ATG7: variants seen among roughly 807,000 people sequenced by gnomAD.
ATG7 encodes the protein autophagy related 7, also known as ubiquitin-like modifier-activating enzyme ATG7.
ATG7 carries 70 observed loss-of-function variants against 82.4 expected under a neutral mutation model. The ratio of observed to expected loss-of-function variants is 0.85; its 90% confidence interval spans 0.70 to 1.04. The LOEUF (loss-of-function observed/expected upper bound fraction) is 1.04. Ranked by LOEUF, ATG7 falls within the 50% of genes least tolerant of loss-of-function variation. The pLI is 0.00. For missense variants in ATG7, 792 were observed against 864.3 expected, an observed-to-expected ratio of 0.92 and a Z score of 1.05; for synonymous variants, 287 against 313.0, an observed-to-expected ratio of 0.92 and a Z score of 0.88.
chr3:11,399,179 T>G (rs1210368635), intron 19 of ATG7, among the ~76,000 whole-genome samples: 1 of 152,022 alleles, frequency 6.6e-6, no homozygotes, highest in Non-Finnish European at 1.5e-5. Context: ...GAAACTCCAT[T>G]TCTACTAAAA....
the ATG7 span, among the ~76,000 whole-genome samples, chr3:11,573,337 A>G: frequency 0.015 from 1,284 of 83,824 alleles, 64 homozygotes; most frequent in Admixed American, 0.026. Context: ...GAAAGAAAGA[A>G]AGAAAGAAAG....
At chr3:11,470,163 C>G (rs1277682760) in intron 20 of ATG7, among the ~76,000 whole-genome samples, 1 of 152,118 alleles carries the variant, frequency 6.6e-6, no homozygotes, top group Non-Finnish European at 1.5e-5. Flanking sequence ...TCTTTGTTTT[C>G]TAGCAGTGCA....
intron 14 of ATG7, among the ~76,000 whole-genome samples, chr3:11,358,182 G>A (rs914964047): frequency 2.6e-5 from 4 of 152,152 alleles, no homozygotes; most frequent in South Asian, 2.1e-4. Context: ...ACTGAGATCC[G>A]TATGTCTCTG....
At chr3:11,458,169 A>G (rs945572443) in intron 20 of ATG7, among the ~76,000 whole-genome samples, 2 of 152,084 alleles carry the variant, frequency 1.3e-5, no homozygotes, top group African/African-American at 4.8e-5. Flanking sequence ...TTGGCTACTC[A>G]AAGCCAATTT....
chr3:11,405,476 C>G (rs1202331439), intron 19 of ATG7, among the ~76,000 whole-genome samples: 1 of 152,128 alleles, frequency 6.6e-6, no homozygotes, highest in Non-Finnish European at 1.5e-5. Flanking sequence ...CTTCTCTTTC[C>G]CCTTATAGAA....
intron 20 of ATG7, among the ~76,000 whole-genome samples, chr3:11,522,276 G>T (rs1377419961): frequency 6.6e-6 from 1 of 152,180 alleles, no homozygotes; most frequent in East Asian, 1.9e-4. Flanking sequence ...GAGGCTGGCA[G>T]ATCATGTTGA....
chr3:11,491,352 T>A (rs1354427167), intron 20 of ATG7, among the ~76,000 whole-genome samples: 1 of 152,152 alleles, frequency 6.6e-6, no homozygotes, highest in Non-Finnish European at 1.5e-5. Context: ...TCTGTATTGG[T>A]TATTCTAGTT....
chr3:11,348,417 G>A (rs917079218), intron 14 of ATG7: 4 of 181,998 alleles, frequency 2.2e-5, no homozygotes, highest in South Asian at 2.5e-4. Context: ...GGTTCCTTCC[G>A]GTGGGTTCTT....
chr3:11,431,421 C>G (rs2082878171), intron 20 of ATG7, among the ~76,000 whole-genome samples: 1 of 152,132 alleles, frequency 6.6e-6, no homozygotes. Context: ...ACACACACAC[C>G]TTTTTAAAGT....
intron 20 of ATG7, among the ~76,000 whole-genome samples, chr3:11,540,015 A>G (rs562085972): frequency 1.3e-5 from 2 of 152,376 alleles, no homozygotes; most frequent in South Asian, 4.1e-4. Context: ...GCTGTTATAA[A>G]TGAAGCTCTG....
chr3:11,301,084 G>T (rs959299505), intron 5 of ATG7, among the ~76,000 whole-genome samples: 1 of 152,106 alleles, frequency 6.6e-6, no homozygotes, highest in African/African-American at 2.4e-5. Context: ...AAGGACACAG[G>T]GGTTGTCAGA....
chr3:11,350,002 A>T (rs2075420506), intron 14 of ATG7, among the ~76,000 whole-genome samples: 1 of 152,132 alleles, frequency 6.6e-6, no homozygotes, highest in Admixed American at 6.6e-5. Flanking sequence ...ATCTGACAGG[A>T]GTTAGATTAG....
intron 20 of ATG7, among the ~76,000 whole-genome samples, chr3:11,472,982 A>G (rs1263878515): frequency 1.3e-5 from 2 of 152,156 alleles, no homozygotes; most frequent in Non-Finnish European, 2.9e-5. Context: ...TTTCAGGAGC[A>G]TACTTTCCTT....
intron 20 of ATG7, among the ~76,000 whole-genome samples, chr3:11,519,482 CT>C (rs1402867911): frequency 7.1e-6 from 1 of 140,432 alleles, no homozygotes; most frequent in Admixed American, 7.5e-5. Flanking sequence ...TGGGAACAAG[CT>C]GTCTTGCTTT....
At chr3:11,484,772 CTA>C (rs1241900468) in intron 20 of ATG7, among the ~76,000 whole-genome samples, 1 of 152,084 alleles carries the variant, frequency 6.6e-6, no homozygotes, top group African/African-American at 2.4e-5. Context: ...CAATTCCCAC[CTA>C]TGAGTGAGAA....
At chr3:11,559,459 C>T (rs780770915), downstream of ATG7, 29 of 1,554,988 alleles carry the variant, frequency 1.9e-5, no homozygotes, top group East Asian at 4.7e-5. Flanking sequence ...GCCGGTTCTG[C>T]GGGGAGGAGG....
intron 20 of ATG7, among the ~76,000 whole-genome samples, chr3:11,485,503 C>T (rs1423452026): frequency 6.6e-6 from 1 of 152,168 alleles, no homozygotes; most frequent in Admixed American, 6.5e-5. Flanking sequence ...CCTGTTCACT[C>T]TGATGGTAGT....
intron 19 of ATG7, among the ~76,000 whole-genome samples, chr3:11,387,177 A>G (rs1410091709): frequency 1.3e-5 from 2 of 152,166 alleles, no homozygotes; most frequent in Admixed American, 1.3e-4. Flanking sequence ...CACTGTCCAC[A>G]CACAGGTATA....
At chr3:11,518,367 T>C (rs2092342594) in intron 20 of ATG7, among the ~76,000 whole-genome samples, 1 of 152,060 alleles carries the variant, frequency 6.6e-6, no homozygotes, top group South Asian at 2.1e-4. Flanking sequence ...CCAACAATGG[T>C]GAAACCCTGT....
Sources: allele counts gnomAD v4.1 joint callset (sites outside exome capture counted in the v4.1 genomes callset), GRCh38; gene constraint gnomAD v4.1.1; transcripts MANE v1.5; gene names NCBI Gene and HGNC (gene_info 2026-07-23, HGNC 2026-07-21).